Variants in GPHN observed in about 807,000 individuals in gnomAD.
GPHN encodes gephyrin.
GPHN carries 17 observed loss-of-function variants against 95.5 expected under a neutral mutation model. The observed-to-expected ratio is 0.18, with a 90% confidence interval of 0.12 to 0.27. The LOEUF (loss-of-function observed/expected upper bound fraction) is 0.27. Among genes scored for constraint, GPHN ranks in the 10% least tolerant of loss-of-function variants. The pLI, the probability that GPHN is intolerant of heterozygous loss-of-function variation, is 1.00. For missense variants in GPHN, 660 were observed against 978.1 expected, an observed-to-expected ratio of 0.67 and a Z score of 4.34; for synonymous variants, 320 against 322.5, an observed-to-expected ratio of 0.99 and a Z score of 0.08.
At chr14:67,726,137 C>T in the GPHN span, 18 of 1,610,532 alleles carry the variant, frequency 1.1e-5, no homozygotes, top group Non-Finnish European at 1.5e-5. Context: ...TGAAACCCAC[C>T]TGGGAGTCAA....
At chr14:67,139,749 G>A (rs537284392) in intron 17 of GPHN, among the ~76,000 whole-genome samples, 7 of 152,160 alleles carry the variant, frequency 4.6e-5, no homozygotes, top group Non-Finnish European at 1.0e-4. Context: ...AAGGCAGGAT[G>A]TCTGATCAAA....
At chr14:66,949,179 G>A (rs1052862954) in intron 8 of GPHN, among the ~76,000 whole-genome samples, 1 of 152,166 alleles carries the variant, frequency 6.6e-6, no homozygotes, top group African/African-American at 2.4e-5. Context: ...TCACCTCCTG[G>A]GTTCAAGCGA....
At chr14:67,349,227 A>G in the GPHN span, 24 of 945,468 alleles carry the variant, frequency 2.5e-5, no homozygotes, top group South Asian at 5.0e-5. Context: ...GTATGTTTTG[A>G]TAACTGTCCT....
the GPHN span, among the ~76,000 whole-genome samples, chr14:67,260,222 A>ATT: frequency 6.6e-6 from 1 of 152,210 alleles, no homozygotes; most frequent in Non-Finnish European, 1.5e-5. Context: ...GAATGAGGAC[A>ATT]TTCCTCTACG....
the GPHN span, among the ~76,000 whole-genome samples, chr14:67,370,502 T>C: frequency 6.6e-6 from 1 of 152,018 alleles, no homozygotes; most frequent in Non-Finnish European, 1.5e-5. Context: ...ATAACACAAA[T>C]TACCAATCTG....
chr14:67,552,808 G>A, the GPHN span, among the ~76,000 whole-genome samples: 1 of 151,694 alleles, frequency 6.6e-6, no homozygotes, highest in African/African-American at 2.4e-5. Context: ...TGGGAGGGTC[G>A]GCAGTAATGA....
chr14:66,590,449 A>G (rs1300504148), intron 1 of GPHN, among the ~76,000 whole-genome samples: 1 of 152,166 alleles, frequency 6.6e-6, no homozygotes, highest in East Asian at 1.9e-4. Context: ...TTAAACAGAC[A>G]TTATAAAAAT....
intron 4 of GPHN, among the ~76,000 whole-genome samples, chr14:66,878,285 G>C (rs1012373355): frequency 1.3e-5 from 2 of 151,684 alleles, no homozygotes; most frequent in Non-Finnish European, 2.9e-5. Flanking sequence ...GAAGAAAACA[G>C]GCAATACCAT....
At chr14:66,989,559 A>G (rs572650864) in intron 9 of GPHN, among the ~76,000 whole-genome samples, 14 of 150,784 alleles carry the variant, frequency 9.3e-5, no homozygotes, top group African/African-American at 3.4e-4. Flanking sequence ...ATCTCATTTT[A>G]TTTCACTGAG....
At chr14:67,358,985 G>C in the GPHN span, among the ~76,000 whole-genome samples, 1 of 152,180 alleles carries the variant, frequency 6.6e-6, no homozygotes, top group East Asian at 1.9e-4. Context: ...GGGAGAGAAA[G>C]ACACATAAAC....
chr14:67,728,187 G>A, the GPHN span: 1 of 152,226 alleles, frequency 6.6e-6, no homozygotes, highest in South Asian at 2.1e-4. Flanking sequence ...ATAAGCCAGA[G>A]TTTGGGAACA....
intron 4 of GPHN, among the ~76,000 whole-genome samples, chr14:66,843,211 G>A (rs547302132): frequency 3.9e-5 from 6 of 152,104 alleles, no homozygotes; most frequent in East Asian, 3.9e-4. Context: ...TGCTTTGTCC[G>A]TCAGCAAATG....
At chr14:67,118,464 G>A (rs1315982504) in intron 16 of GPHN, among the ~76,000 whole-genome samples, 1 of 152,138 alleles carries the variant, frequency 6.6e-6, no homozygotes, top group Non-Finnish European at 1.5e-5. Flanking sequence ...GGTGGCTCAC[G>A]CCTGTAATTC....
chr14:66,886,374 A>G (rs1261208264), intron 5 of GPHN, among the ~76,000 whole-genome samples: 1 of 152,164 alleles, frequency 6.6e-6, no homozygotes, highest in Non-Finnish European at 1.5e-5. Context: ...TCCAGACTAG[A>G]AAATACTTTT....
chr14:66,932,143 G>A (rs972556729), intron 8 of GPHN, among the ~76,000 whole-genome samples: 6 of 152,154 alleles, frequency 3.9e-5, no homozygotes, highest in Non-Finnish European at 8.8e-5. Flanking sequence ...CTGCCGTGGT[G>A]GTCTTAAATA....
At chr14:67,360,874 A>G in the GPHN span, 1 of 152,084 alleles carries the variant, frequency 6.6e-6, no homozygotes, top group Admixed American at 6.6e-5. Context: ...CAGCTCTACC[A>G]AAAATTTCCC....
At chr14:67,525,064 C>T in the GPHN span, among the ~76,000 whole-genome samples, 2 of 152,154 alleles carry the variant, frequency 1.3e-5, no homozygotes, top group African/African-American at 2.4e-5. Context: ...ACTTTTAAAA[C>T]ATTTTAATAG....
At chr14:66,512,423 C>T (rs2139694140) in intron 1 of GPHN, among the ~76,000 whole-genome samples, 1 of 151,916 alleles carries the variant, frequency 6.6e-6, no homozygotes, top group Admixed American at 6.5e-5. Flanking sequence ...TATTAGTTCG[C>T]TACAGCTAAT....
the GPHN span, among the ~76,000 whole-genome samples, chr14:67,699,406 A>G: frequency 1.3e-5 from 2 of 151,906 alleles, no homozygotes; most frequent in Non-Finnish European, 1.5e-5. Context: ...AATTTAAAAA[A>G]TAAATGAATA....
Sources: gnomAD v4.1 joint callset for allele counts (sites outside exome capture counted in the v4.1 genomes callset) on GRCh38, gnomAD v4.1.1 for gene constraint, MANE v1.5 for transcripts, NCBI Gene and HGNC (gene_info 2026-07-23, HGNC 2026-07-21) for gene names.